UNC13C: variants seen among roughly 807,000 people sequenced by gnomAD.
The protein encoded by UNC13C is unc-13 homolog C.
In UNC13C, 174 loss-of-function variants were observed where a neutral mutation model predicts 245.4. The ratio of observed to expected loss-of-function variants is 0.71; its 90% CI spans 0.63 to 0.80. The LOEUF (loss-of-function observed/expected upper bound fraction) is 0.80. UNC13C is among the 30% of genes least tolerant of loss of function. UNC13C has a pLI of 0.00. For missense variants in UNC13C, 2,829 were observed against 2,602.9 expected (o/e 1.09, Z -1.89); for synonymous variants, 992 against 895.1 (o/e 1.11, Z -1.93).
intron 7 of UNC13C, among the ~76,000 whole-genome samples, chr15:54,238,556 G>A (rs904690162): frequency 6.6e-6 from 1 of 152,202 alleles, no homozygotes; most frequent in Non-Finnish European, 1.5e-5. Context: ...GGATTAGGAA[G>A]TAGATACATG....
chr15:54,236,514 A>T (rs1247856087), intron 6 of UNC13C, 79 bp downstream of exon 6: 1 of 1,105,024 alleles, frequency 9.0e-7, no homozygotes, highest in African/African-American at 1.6e-5. Context: ...GGGGTAAAAG[A>T]GGGCAAGAAT....
In UNC13C at chr15:54,300,085, C is replaced by T. The variant is rs961766958; in HGVS notation, c.4105-125C>T. The stretch of plus-strand genomic sequence containing the variant: ...ATAAAAATTCAAGATATTCCTATTG[C>T]TTGCAGATGCTGATGAAACATTAGA... On this transcript the variant is annotated intron_variant, in intron 12 of 32. Transcript: ENST00000260323. The T allele has an allele frequency of 6.2e-6, 5 of 803,470 alleles. No homozygotes were observed. In the African/African-American group the frequency reaches 7.0e-5, roughly 11 times the overall value. 49.8% of individuals were successfully genotyped at this position (803,470 alleles called of 1,614,324 possible).
intron 19 of UNC13C, among the ~76,000 whole-genome samples, chr15:54,478,073 C>T (rs1892876032): frequency 6.6e-6 from 1 of 151,860 alleles, no homozygotes; most frequent in East Asian, 1.9e-4. Flanking sequence ...TCCGTGTCTT[C>T]TAGATTTTCT....
chr15:53,942,956 C>T, the UNC13C span, among the ~76,000 whole-genome samples: 1 of 152,184 alleles, frequency 6.6e-6, no homozygotes, highest in African/African-American at 2.4e-5. Flanking sequence ...AGCCATTGTG[C>T]CCAGCCTATC....
chr15:54,162,156 T>A lies in UNC13C; in HGVS notation c.3071+18472T>A, dbSNP rs578175844. Among the ~76,000 whole-genome samples the A allele has an allele frequency of 2.0e-5, 3 of 152,234 alleles. No individual in the cohort carries two copies. In the South Asian group the frequency reaches 6.2e-4, roughly 32 times the overall value. On this transcript the variant is annotated intron_variant, in intron 4 of 32. Coordinates refer to ENST00000260323, the MANE Select transcript of UNC13C (RefSeq NM_001080534.3). ...GTGTGTACGTGGCTGATGTCTATTG[T>A]TTAGGATTTGTTTTGCTTTTTCTTA...
chr15:54,337,922 C>T (rs962968770), intron 16 of UNC13C, among the ~76,000 whole-genome samples: 18 of 152,150 alleles, frequency 1.2e-4, no homozygotes, highest in Non-Finnish European at 2.4e-4. Context: ...AAACGCTTCC[C>T]ATCCTTCCTC....
chr15:54,226,822 A>G (rs2035398340), intron 4 of UNC13C, among the ~76,000 whole-genome samples: 1 of 152,106 alleles, frequency 6.6e-6, no homozygotes, highest in Non-Finnish European at 1.5e-5. Context: ...GGACAGAGGG[A>G]TCATGGTGGT....
At chr15:54,477,190 T>A (rs1239898719) in intron 19 of UNC13C, among the ~76,000 whole-genome samples, 1 of 119,042 alleles carries the variant, frequency 8.4e-6, no homozygotes, top group African/African-American at 3.3e-5. Context: ...GTTGCTTATC[T>A]GCTTAAGGAG....
intron 17 of UNC13C, among the ~76,000 whole-genome samples, chr15:54,386,450 T>C (rs11636575): frequency 0.18 from 27,984 of 152,160 alleles, 2,663 homozygotes; most frequent in Middle Eastern, 0.23. Flanking sequence ...TGGAGCATGT[T>C]AGCATGGGAA....
chr15:54,026,696 C>G (rs896684105), intron 2 of UNC13C, among the ~76,000 whole-genome samples: 4 of 152,174 alleles, frequency 2.6e-5, no homozygotes, highest in Admixed American at 1.3e-4. Flanking sequence ...GTTCCATTGG[C>G]TACAGTTATC....
intron 29 of UNC13C, among the ~76,000 whole-genome samples, chr15:54,562,175 C>T (rs571802636): frequency 2.6e-5 from 4 of 152,030 alleles, no homozygotes; most frequent in African/African-American, 9.6e-5. Flanking sequence ...TGTTATTCTG[C>T]CAATTAAATA....
intron 2 of UNC13C, among the ~76,000 whole-genome samples, chr15:54,105,465 C>G (rs904069972): frequency 6.6e-6 from 1 of 152,110 alleles, no homozygotes; most frequent in African/African-American, 2.4e-5. Flanking sequence ...TTCCTTCATT[C>G]TGAAGGTTTT....
At chr15:54,192,477 A>G (rs2034218036) in intron 4 of UNC13C, among the ~76,000 whole-genome samples, 1 of 152,138 alleles carries the variant, frequency 6.6e-6, no homozygotes, top group Non-Finnish European at 1.5e-5. Context: ...ATGTCTTTCC[A>G]GACAACTGTG....
intron 17 of UNC13C, among the ~76,000 whole-genome samples, chr15:54,374,546 G>A (rs923876809): frequency 6.6e-6 from 1 of 152,178 alleles, no homozygotes; most frequent in Admixed American, 6.5e-5. Flanking sequence ...ATTGGAGCAG[G>A]CACCAGGAGC....
In UNC13C at chr15:54,080,098, T is replaced by A. The variant is rs114337994; in HGVS notation, c.2984-62920T>A. 2.2e-3 allele frequency among the ~76,000 whole-genome samples: 327 copies of A among 151,812 alleles called. 2 individuals are homozygous for A. The highest frequency in any genetic ancestry group is 7.5e-3 in the African/African-American group (313 of 41,492). Reference sequence around the variant, plus strand: ...AGGATCGTATAGTTTTTGTTCTTAGTTCTGTTTATGTAGTGAATTACACTT... The same window carrying A: ...AGGATCGTATAGTTTTTGTTCTTAGATCTGTTTATGTAGTGAATTACACTT... On this transcript the variant is annotated intron_variant, in intron 2 of 32. Coordinates refer to ENST00000260323, the MANE Select transcript of UNC13C (RefSeq NM_001080534.3).
the UNC13C span, among the ~76,000 whole-genome samples, chr15:53,879,712 C>G: frequency 6.6e-6 from 1 of 152,034 alleles, no homozygotes; most frequent in Non-Finnish European, 1.5e-5. Flanking sequence ...CTCAGCCTCC[C>G]AAGTAGCTGG....
chr15:54,140,680 C>A (rs2031976520), intron 2 of UNC13C, among the ~76,000 whole-genome samples: 2 of 152,168 alleles, frequency 1.3e-5, no homozygotes, highest in African/African-American at 4.8e-5. Context: ...ACATAGATTT[C>A]AAAGAACATG....
chr15:53,882,612 A>G, the UNC13C span, among the ~76,000 whole-genome samples: 1 of 152,164 alleles, frequency 6.6e-6, no homozygotes, highest in East Asian at 1.9e-4. Context: ...CAAATGAAGC[A>G]TAATTTACAT....
the UNC13C span, among the ~76,000 whole-genome samples, chr15:53,867,729 A>T: frequency 6.6e-6 from 1 of 152,204 alleles, no homozygotes; most frequent in Admixed American, 6.5e-5. Context: ...CCTGCCTATT[A>T]ATATGATTTG....
Sources: allele counts gnomAD v4.1 joint callset (sites outside exome capture counted in the v4.1 genomes callset), GRCh38; gene constraint gnomAD v4.1.1; transcripts MANE v1.5; gene names NCBI Gene and HGNC (gene_info 2026-07-23, HGNC 2026-07-21).